SEMA3E: variants seen among roughly 807,000 people sequenced by gnomAD.
The protein encoded by SEMA3E is semaphorin 3E.
SEMA3E carries 49 observed loss-of-function variants against 93.6 expected under a neutral mutation model. The ratio of observed to expected loss-of-function variants is 0.52; its 90% CI spans 0.42 to 0.66. SEMA3E has a LOEUF of 0.66. Among genes scored for constraint, SEMA3E ranks in the 30% least tolerant of loss-of-function variants. The pLI is 0.00. For synonymous variants in SEMA3E, 363 were observed against 330.7 expected (o/e 1.10, Z -1.06); for missense variants, 906 against 964.8 (o/e 0.94, Z 0.81).
At chr7:83,614,665 C>T (rs1166866083) in intron 1 of SEMA3E, among the ~76,000 whole-genome samples, 1 of 152,068 alleles carries the variant, frequency 6.6e-6, no homozygotes, top group Non-Finnish European at 1.5e-5. Flanking sequence ...TAGCAAGCAA[C>T]CTTGGGACCC....
chr7:83,528,498 G>A (rs188037412), intron 1 of SEMA3E, among the ~76,000 whole-genome samples: 8 of 152,174 alleles, frequency 5.3e-5, no homozygotes, highest in East Asian at 1.9e-4. Context: ...ACAAGAGCAC[G>A]AAGCTTGGCA....
At chr7:83,572,596 G>A (rs542026162) in intron 1 of SEMA3E, among the ~76,000 whole-genome samples, 1 of 151,894 alleles carries the variant, frequency 6.6e-6, no homozygotes, top group African/African-American at 2.4e-5. Flanking sequence ...CTGAGATCAC[G>A]CCACTGCACT....
At chr7:83,463,356 A>C (rs1789674069) in intron 4 of SEMA3E, among the ~76,000 whole-genome samples, 1 of 151,966 alleles carries the variant, frequency 6.6e-6, no homozygotes, top group Admixed American at 6.6e-5. Context: ...CAAAATCACA[A>C]ACTATGCTCA....
intron 12 of SEMA3E, 32 bp from the exon 13 acceptor site, chr7:83,394,370 A>G (rs1415389685): frequency 1.3e-6 from 2 of 1,556,336 alleles, no homozygotes; most frequent in Admixed American, 3.4e-5. Flanking sequence ...CATTTTTAAG[A>G]AAACAGTATA....
chr7:83,549,038 C>T (rs947898201), intron 1 of SEMA3E, among the ~76,000 whole-genome samples: 1 of 152,014 alleles, frequency 6.6e-6, no homozygotes, highest in African/African-American at 2.4e-5. Flanking sequence ...TGGGAATTTG[C>T]AAGTATGCAA....
chr7:83,390,175 G>A (rs149867304), intron 14 of SEMA3E, among the ~76,000 whole-genome samples: 305 of 5,666 alleles, frequency 0.054, 78 homozygotes, highest in Middle Eastern at 0.17. Context: ...GCGCGTATAC[G>A]TGTGCACATA....
In SEMA3E at chr7:83,392,548, G is replaced by A. The variant is rs757094477; in HGVS notation, c.1667+7C>T. On this transcript the variant is annotated splice_region_variant and intron_variant, in intron 14 of 16. Coordinates refer to ENST00000643230, the MANE Select transcript of SEMA3E (RefSeq NM_012431.3). ...AGGGAAATAGTTAATCAGGTAGCAC[G>A]TCTCACCTTTTTGCATGTGTGCCTG... 1.4e-5 allele frequency: 22 copies of A among 1,612,224 alleles called. No homozygotes were observed. Among genetic ancestry groups the A allele is most frequent in the Admixed American group, 1.0e-4 (6 of 59,852 alleles).
chr7:83,562,387 A>T (rs1004706226), intron 1 of SEMA3E, among the ~76,000 whole-genome samples: 1 of 152,078 alleles, frequency 6.6e-6, no homozygotes, highest in African/African-American at 2.4e-5. Flanking sequence ...GGCTCCTGCC[A>T]AGAGGCACTC....
chr7:83,430,062 G>T (rs549112573), intron 4 of SEMA3E, among the ~76,000 whole-genome samples: 1 of 152,248 alleles, frequency 6.6e-6, no homozygotes, highest in South Asian at 2.1e-4. Flanking sequence ...AGCTTACTGT[G>T]TTTCAGGTAT....
At chr7:83,415,921 T>C (rs899726589) in intron 5 of SEMA3E, among the ~76,000 whole-genome samples, 1 of 152,102 alleles carries the variant, frequency 6.6e-6, no homozygotes, top group Non-Finnish European at 1.5e-5. Flanking sequence ...GCAGAGAACA[T>C]GTGTGGTCAC....
At chr7:83,493,197 T>C (rs1327935776) in intron 1 of SEMA3E, among the ~76,000 whole-genome samples, 1 of 152,022 alleles carries the variant, frequency 6.6e-6, no homozygotes, top group African/African-American at 2.4e-5. Context: ...GCTGAGCTTT[T>C]ATTTTTGTTT....
intron 1 of SEMA3E, among the ~76,000 whole-genome samples, chr7:83,579,446 A>G (rs1267467015): frequency 6.6e-6 from 1 of 152,224 alleles, no homozygotes; most frequent in Middle Eastern, 3.4e-3. Flanking sequence ...CTATCAAATA[A>G]GTAGAATTTA....
intron 4 of SEMA3E, among the ~76,000 whole-genome samples, chr7:83,450,154 A>G (rs1789326931): frequency 6.6e-6 from 1 of 152,174 alleles, no homozygotes; most frequent in African/African-American, 2.4e-5. Flanking sequence ...TAACTAGAAA[A>G]CTTATACACC....
chr7:83,387,165 T>G, intron 14 of SEMA3E, 115 bp from the exon 15 acceptor site: 1 of 847,404 alleles, frequency 1.2e-6, no homozygotes. Flanking sequence ...AAATGATCAT[T>G]CATATGAAAA....
rs371656415 is a variant in SEMA3E, at chr7:83,422,816, G to A, written c.457-4333C>T. 3.4e-4 allele frequency among the ~76,000 whole-genome samples: 51 copies of A among 152,196 alleles called. 1 individual carries two copies. Among genetic ancestry groups the A allele is most frequent in the African/African-American group, 1.2e-3 (48 of 41,546 alleles). On this transcript the variant is annotated intron_variant, in intron 4 of 16. Coordinates refer to ENST00000643230, the MANE Select transcript of SEMA3E (RefSeq NM_012431.3). ...TTATTCAAATAATTTTAATACATTC[G>A]TTTAAACTGTCAAATGCGTGAAGCA...
At chr7:83,513,572 G>A (rs1338902705) in intron 1 of SEMA3E, among the ~76,000 whole-genome samples, 3 of 152,114 alleles carry the variant, frequency 2.0e-5, no homozygotes, top group Non-Finnish European at 4.4e-5. Flanking sequence ...AAGTCTGGGA[G>A]ACTATATTTA....
In SEMA3E at chr7:83,542,595, TA is replaced by T. The variant is rs571684484; in HGVS notation, c.116-52322del. On this transcript the variant is annotated intron_variant, in intron 1 of 16. Coordinates refer to ENST00000643230, the MANE Select transcript of SEMA3E (RefSeq NM_012431.3). ...GACTAAATAAAATAAACAAAATCCA[TA>T]AAAAAAAAACTGACCTTTTCAAAAG... Among the ~76,000 whole-genome samples the T allele has an allele frequency of 4.8e-3, 717 of 148,484 alleles. 2 individuals are homozygous for T. The highest frequency in any genetic ancestry group is 6.2e-3 in the African/African-American group (252 of 40,558).
chr7:83,424,273 A>C (rs562873814), intron 4 of SEMA3E, among the ~76,000 whole-genome samples: 4 of 152,318 alleles, frequency 2.6e-5, no homozygotes, highest in East Asian at 3.9e-4. Flanking sequence ...AATAATGAAG[A>C]GGTGCTTTGA....
At position 83,364,457 on chromosome 7, in the gene SEMA3E, A is replaced by C. The variant is rs1005503282; in HGVS notation, c.*3129T>G. ...AGACTTTCTGTTCCCTTTTTTCTAG[A>C]GCTCTTATTAGTGTTTATCCTTATT... On this transcript the variant is annotated 3_prime_UTR_variant, in exon 17 of 17. Coordinates refer to ENST00000643230, the MANE Select transcript of SEMA3E (RefSeq NM_012431.3). 6.6e-5 allele frequency: 10 copies of C among 152,140 alleles called. No individual in the cohort carries two copies. The highest frequency in any genetic ancestry group is 2.2e-4 in the African/African-American group (9 of 41,446). 9.4% of individuals were successfully genotyped at this position (152,140 alleles called of 1,614,324 possible). A position where few individuals can be genotyped will look rare whatever the true frequency, so the allele number is the denominator to read the frequency against.
Sources: allele counts gnomAD v4.1 joint callset (sites outside exome capture counted in the v4.1 genomes callset), GRCh38; gene constraint gnomAD v4.1.1; transcripts MANE v1.5; gene names NCBI Gene and HGNC (gene_info 2026-07-23, HGNC 2026-07-21).